CDH13: variants seen among roughly 807,000 people sequenced by gnomAD.
The protein encoded by CDH13 is cadherin-13.
CDH13 carries 24 observed loss-of-function variants against 63.8 expected under a neutral mutation model. The observed-to-expected ratio is 0.38, with a 90% CI of 0.27 to 0.53. CDH13 has a LOEUF of 0.53. Among genes scored for constraint, CDH13 ranks in the 20% least tolerant of loss-of-function variants. The pLI, the probability that CDH13 is intolerant of heterozygous loss-of-function variation, is 0.85. For missense variants in CDH13, 1,049 were observed against 903.1 expected, an observed-to-expected ratio of 1.16 and a Z score of -2.07; for synonymous variants, 503 against 355.3, an observed-to-expected ratio of 1.42 and a Z score of -4.67.
At chr16:83,662,384 G>C (rs1303752538) in intron 8 of CDH13, among the ~76,000 whole-genome samples, 6 of 152,174 alleles carry the variant, frequency 3.9e-5, no homozygotes, top group African/African-American at 7.2e-5. Context: ...GCACAAAAGA[G>C]AAACACAAAA....
chr16:83,651,665 G>A (rs1426431913), intron 8 of CDH13, among the ~76,000 whole-genome samples: 1 of 124,474 alleles, frequency 8.0e-6, no homozygotes, highest in Non-Finnish European at 1.6e-5. Context: ...GCACAATCTT[G>A]GCTCACTACA....
intron 6 of CDH13, among the ~76,000 whole-genome samples, chr16:83,378,922 A>G (rs74035612): frequency 2.0e-5 from 3 of 152,164 alleles, no homozygotes; most frequent in African/African-American, 7.2e-5. Flanking sequence ...CAGAAACTTA[A>G]GTGCATATTT....
chr16:82,721,864 G>A (rs2032794661), intron 1 of CDH13, among the ~76,000 whole-genome samples: 1 of 152,140 alleles, frequency 6.6e-6, no homozygotes, highest in South Asian at 2.1e-4. Flanking sequence ...TGTAGGTGCA[G>A]ACCAGGGGAA....
rs751757521 is a variant in CDH13, at chr16:83,006,930, TTG to T, written c.158-25078_158-25077del. Among the ~76,000 whole-genome samples the T allele has an allele frequency of 7.5e-4, 95 of 127,432 alleles. 1 individual carries two copies. The highest frequency in any genetic ancestry group is 1.1e-3 in the Non-Finnish European group (63 of 54,952). 83.6% of individuals were successfully genotyped at this position (127,432 alleles called of 152,430 possible). A position where few individuals can be genotyped will look rare whatever the true frequency, so the allele number is the denominator to read the frequency against. On this transcript the variant is annotated intron_variant, in intron 2 of 13. Transcript: ENST00000567109. ...TTTGTTTGTTTGTTTGTTTGTTTGT[TTG>T]TTTTTTTTGAGACAGAGTTTCACTC...
At chr16:82,949,731 T>C (rs904280300) in intron 2 of CDH13, among the ~76,000 whole-genome samples, 1 of 152,160 alleles carries the variant, frequency 6.6e-6, no homozygotes, top group African/African-American at 2.4e-5. Context: ...TGGAAAAGAA[T>C]GTTCTCTAGT....
At chr16:82,704,291 T>C (rs965613732) in intron 1 of CDH13, among the ~76,000 whole-genome samples, 7 of 152,188 alleles carry the variant, frequency 4.6e-5, no homozygotes, top group Non-Finnish European at 5.9e-5. Flanking sequence ...GAGTTTGAAT[T>C]ATGGATGTTA....
At chr16:83,335,399 C>A (rs989862734) in intron 5 of CDH13, among the ~76,000 whole-genome samples, 1 of 151,730 alleles carries the variant, frequency 6.6e-6, no homozygotes, top group Non-Finnish European at 1.5e-5. Flanking sequence ...GTCAAACACA[C>A]ACACACACAG....
At chr16:83,718,312 A>G (rs1216601955) in intron 10 of CDH13, among the ~76,000 whole-genome samples, 2 of 152,166 alleles carry the variant, frequency 1.3e-5, no homozygotes, top group Non-Finnish European at 2.9e-5. Context: ...TGAGTCCTTG[A>G]CCCCAGTCAT....
intron 3 of CDH13, among the ~76,000 whole-genome samples, chr16:83,034,561 C>T (rs777758427): frequency 5.3e-5 from 8 of 152,084 alleles, no homozygotes; most frequent in Non-Finnish European, 2.9e-5. Flanking sequence ...ACAAAGTTGC[C>T]AGGATATACA....
At chr16:82,878,721 A>G (rs2151200148) in intron 2 of CDH13, among the ~76,000 whole-genome samples, 1 of 151,480 alleles carries the variant, frequency 6.6e-6, no homozygotes, top group East Asian at 2.1e-4. Flanking sequence ...GGAACTTACA[A>G]ATCTCCAGGA....
At chr16:82,796,990 T>C (rs2036613306) in intron 1 of CDH13, among the ~76,000 whole-genome samples, 1 of 152,176 alleles carries the variant, frequency 6.6e-6, no homozygotes, top group Non-Finnish European at 1.5e-5. Context: ...CCTATCAACT[T>C]TTTCTTCTGC....
chr16:83,247,951 C>A (rs1263086646), intron 5 of CDH13, among the ~76,000 whole-genome samples: 4 of 152,184 alleles, frequency 2.6e-5, no homozygotes, highest in Admixed American at 2.6e-4. Context: ...CGCTCTGTTT[C>A]TGCACGCTCC....
At chr16:82,717,531 G>T (rs1291381793) in intron 1 of CDH13, among the ~76,000 whole-genome samples, 5 of 151,480 alleles carry the variant, frequency 3.3e-5, no homozygotes, top group Non-Finnish European at 4.4e-5. Context: ...GAGGCAAGTT[G>T]TTGGCTAGAG....
chr16:82,824,659 C>T (rs1289514301), intron 1 of CDH13: 2 of 152,166 alleles, frequency 1.3e-5, no homozygotes, highest in African/African-American at 4.8e-5. Context: ...GAGATGCAAT[C>T]TGCGAACTTC....
At chr16:82,843,095 T>C (rs1482053316) in intron 1 of CDH13, among the ~76,000 whole-genome samples, 1 of 152,206 alleles carries the variant, frequency 6.6e-6, no homozygotes, top group Non-Finnish European at 1.5e-5. Context: ...TGGGCATCCT[T>C]GTATTAGATT....
intron 1 of CDH13, among the ~76,000 whole-genome samples, chr16:82,663,233 C>T (rs1912179252): frequency 6.6e-6 from 1 of 152,200 alleles, no homozygotes; most frequent in South Asian, 2.1e-4. Flanking sequence ...GTTGCCCTGG[C>T]TGGAGTGCAA....
In CDH13 at chr16:83,344,901, G is replaced by C. The variant is rs772486096; in HGVS notation, c.676G>C (p.Glu226Gln). The C allele has an allele frequency of 2.5e-6, 4 of 1,613,828 alleles. No homozygotes were observed. The highest frequency in any genetic ancestry group is 2.2e-5 in the South Asian group (2 of 91,090). Residue 226 changes from glutamate (E) to glutamine (Q), a missense_variant, in exon 6 of 14, where the codon GAG (glutamate) becomes CAG (glutamine). Coordinates refer to ENST00000567109, the MANE Select transcript of CDH13 (RefSeq NM_001257.5). Reference sequence around the variant, plus strand: ...CACTGATGTCAATGGCAAAACTCTCGAGGGGCCGGTGCCTCTGGAAGTCAT... The same window carrying C: ...CACTGATGTCAATGGCAAAACTCTCCAGGGGCCGGTGCCTCTGGAAGTCAT... Reference protein sequence around the residue: ...ETTDVNGKTLEGPVPLEVIVI... With the variant: ...ETTDVNGKTLQGPVPLEVIVI...
At chr16:83,245,047 A>T (rs1025295966) in intron 5 of CDH13, among the ~76,000 whole-genome samples, 13 of 151,730 alleles carry the variant, frequency 8.6e-5, no homozygotes, top group Non-Finnish European at 1.6e-4. Flanking sequence ...CCAAGAGCCA[A>T]CCTTGCAGGC....
chr16:82,702,679 A>G (rs1361072473), intron 1 of CDH13, among the ~76,000 whole-genome samples: 1 of 152,208 alleles, frequency 6.6e-6, no homozygotes, highest in Admixed American at 6.5e-5. Context: ...GTCCCCCTCA[A>G]TTCTGACAAT....
Sources: gnomAD v4.1 joint callset for allele counts (sites outside exome capture counted in the v4.1 genomes callset) on GRCh38, gnomAD v4.1.1 for gene constraint, MANE v1.5 for transcripts, NCBI Gene and HGNC (gene_info 2026-07-23, HGNC 2026-07-21) for gene names.